CENPP: variants seen among roughly 807,000 people sequenced by gnomAD.
The protein encoded by CENPP is centromere protein P.
A neutral mutation model predicts 35.6 loss-of-function variants in CENPP; 24 were observed. That is an observed-to-expected ratio of 0.67 (90% CI 0.49 to 0.95). The LOEUF (loss-of-function observed/expected upper bound fraction) is 0.95, where lower values mean the gene tolerates loss of function less well. Among genes scored for constraint, CENPP ranks in the 40% least tolerant of loss-of-function variants. The probability of loss-of-function intolerance (pLI) is 0.00; values close to 1 mark genes in which losing one functional copy is unlikely to be tolerated. For synonymous variants in CENPP, 120 were observed against 125.5 expected (o/e 0.96, Z 0.29); for missense variants, 332 against 345.3 (o/e 0.96, Z 0.31).
At chr9:92,381,285 CTTTTT>C (rs200993869) in intron 5 of CENPP, among the ~76,000 whole-genome samples, 1 of 136,486 alleles carries the variant, frequency 7.3e-6, no homozygotes. Flanking sequence ...GATTTCTTTT[CTTTTT>C]TTTTTTTTTT....
chr9:92,445,154 A>G lies in CENPP; in HGVS notation c.564+65295A>G, dbSNP rs1236821220. Reference sequence around the variant, plus strand: ...CTTCTCTAAGCAGCTTTCTCTGCCAACTTAAATGTTCAAGGTGGTCACAGT... The same window carrying G: ...CTTCTCTAAGCAGCTTTCTCTGCCAGCTTAAATGTTCAAGGTGGTCACAGT... On this transcript the variant is annotated intron_variant, in intron 5 of 7. Coordinates refer to ENST00000375587, the MANE Select transcript of CENPP (RefSeq NM_001012267.3). 2.6e-5 allele frequency among the ~76,000 whole-genome samples: 4 copies of G among 152,100 alleles called. No individual in the cohort carries two copies. In the South Asian group the frequency reaches 6.2e-4, roughly 24 times the overall value.
chr9:92,544,983 CAGAGT>C (rs1849400617), intron 5 of CENPP, among the ~76,000 whole-genome samples: 16 of 152,182 alleles, frequency 1.1e-4, no homozygotes, highest in Admixed American at 1.0e-3. Context: ...CAGCCCGCTC[CAGAGT>C]GCTGGGATTA....
In CENPP at chr9:92,345,932, A is replaced by G. The variant is rs1276751488; in HGVS notation, c.467+145A>G. Reference sequence around the variant, plus strand: ...CACTGTTGTGCTTATATTTGAGCCCATATTCTCTATATCTATCATTCTTTC... The same window carrying G: ...CACTGTTGTGCTTATATTTGAGCCCGTATTCTCTATATCTATCATTCTTTC... On this transcript the variant is annotated intron_variant, in intron 4 of 7. Transcript: ENST00000375587. 5.3e-6 allele frequency: 3 copies of G among 563,968 alleles called. No individual in the cohort carries two copies. In the African/African-American group the frequency reaches 5.7e-5, roughly 11 times the overall value. 34.9% of individuals were successfully genotyped at this position (563,968 alleles called of 1,614,324 possible).
chr9:92,424,322 A>G (rs540965436), intron 5 of CENPP: 3 of 152,346 alleles, frequency 2.0e-5, no homozygotes, highest in East Asian at 3.9e-4. Flanking sequence ...GTGTCCAGAC[A>G]GGGCTGTCTC....
At chr9:92,581,453 G>A (rs1198140795) in intron 5 of CENPP, among the ~76,000 whole-genome samples, 2 of 152,038 alleles carry the variant, frequency 1.3e-5, no homozygotes, top group Non-Finnish European at 2.9e-5. Context: ...AAGATGAAAC[G>A]AAGATCTTTG....
At chr9:92,500,995 G>A in intron 5 of CENPP, 1 of 1,614,200 alleles carries the variant, frequency 6.2e-7, no homozygotes, top group Non-Finnish European at 8.5e-7. Context: ...AAGGACTTGG[G>A]TAGATAGGAC....
chr9:92,545,050 CAGTA>C (rs2131314920), intron 5 of CENPP, among the ~76,000 whole-genome samples: 1 of 152,308 alleles, frequency 6.6e-6, no homozygotes, highest in South Asian at 2.1e-4. Flanking sequence ...ATTTAAAAGA[CAGTA>C]AGAAAATCTT....
chr9:92,492,972 C>T (rs1209071382), intron 5 of CENPP, among the ~76,000 whole-genome samples: 1 of 152,214 alleles, frequency 6.6e-6, no homozygotes, highest in Non-Finnish European at 1.5e-5. Flanking sequence ...CTGCTCAGGG[C>T]TAATCTCACC....
chr9:92,337,653 T>A, intron 3 of CENPP, 24 bp downstream of exon 3: 1 of 1,339,156 alleles, frequency 7.5e-7, no homozygotes, highest in South Asian at 1.2e-5. Flanking sequence ...CATGTTGTGA[T>A]AACAGAGATA....
rs184137124 is a variant in CENPP at position 92,522,546 on chromosome 9, T to C, written c.565-88768T>C. 7.2e-5 allele frequency: 111 copies of C among 1,548,162 alleles called. No homozygotes were observed. In the African/African-American group the frequency reaches 1.4e-3, roughly 19 times the overall value. On this transcript the variant is annotated intron_variant, in intron 5 of 7. Coordinates refer to ENST00000375587, the MANE Select transcript of CENPP (RefSeq NM_001012267.3). Reference sequence around the variant, plus strand: ...ACCATCTCTCACCCTCCTCCCTCTTTCTGTCTCTCTCTCATAGTGTTCTCT... The same window carrying C: ...ACCATCTCTCACCCTCCTCCCTCTTCCTGTCTCTCTCTCATAGTGTTCTCT...
At chr9:92,400,299 G>A (rs1843058091) in intron 5 of CENPP, among the ~76,000 whole-genome samples, 1 of 152,052 alleles carries the variant, frequency 6.6e-6, no homozygotes, top group South Asian at 2.1e-4. Context: ...ACAGGCACCT[G>A]CCACCACGCC....
chr9:92,327,851 G>A (rs1331824076), intron 1 of CENPP, among the ~76,000 whole-genome samples: 1 of 152,156 alleles, frequency 6.6e-6, no homozygotes, highest in African/African-American at 2.4e-5. Context: ...TTTAAAGGTA[G>A]GGGGTATGTG....
chr9:92,467,899 C>A (rs1318925218), intron 5 of CENPP, among the ~76,000 whole-genome samples: 2 of 152,136 alleles, frequency 1.3e-5, no homozygotes, highest in African/African-American at 4.8e-5. Context: ...GTGATGCCAA[C>A]TAAAAGTATC....
intron 5 of CENPP, among the ~76,000 whole-genome samples, chr9:92,430,899 A>C (rs775192391): frequency 1.3e-5 from 2 of 151,840 alleles, no homozygotes; most frequent in Non-Finnish European, 2.9e-5. Flanking sequence ...GAGTTCAAGT[A>C]ATTCTCCTGC....
intron 5 of CENPP, among the ~76,000 whole-genome samples, chr9:92,602,021 C>G (rs568342094): frequency 6.6e-6 from 1 of 152,276 alleles, no homozygotes; most frequent in South Asian, 2.1e-4. Context: ...TCCTTTGATT[C>G]TAGAGCTGGG....
intron 5 of CENPP, chr9:92,539,136 C>T (rs1030771148): frequency 7.9e-5 from 12 of 152,118 alleles, no homozygotes; most frequent in Admixed American, 4.6e-4. Flanking sequence ...TACAATGTTC[C>T]GGTATCTTTA....
At chr9:92,360,905 C>T (rs1038460916) in intron 4 of CENPP, among the ~76,000 whole-genome samples, 2 of 151,602 alleles carry the variant, frequency 1.3e-5, no homozygotes, top group African/African-American at 4.8e-5. Flanking sequence ...GACAGGGTTT[C>T]ACTGTGTTAG....
intron 6 of CENPP, among the ~76,000 whole-genome samples, chr9:92,611,674 T>C (rs1013145727): frequency 6.6e-6 from 1 of 152,176 alleles, no homozygotes; most frequent in South Asian, 2.1e-4. Context: ...GTGGAGATGC[T>C]TGTGGATCTG....
At chr9:92,341,448 G>A (rs933095239) in intron 3 of CENPP, among the ~76,000 whole-genome samples, 2 of 152,092 alleles carry the variant, frequency 1.3e-5, no homozygotes, top group Non-Finnish European at 2.9e-5. Flanking sequence ...TCCTACCAAC[G>A]TGTGATGTCT....
Sources: gnomAD v4.1 joint callset for allele counts (sites outside exome capture counted in the v4.1 genomes callset) on GRCh38, gnomAD v4.1.1 for gene constraint, MANE v1.5 for transcripts, NCBI Gene and HGNC (gene_info 2026-07-23, HGNC 2026-07-21) for gene names.